MRPL22: variants seen among roughly 807,000 people sequenced by gnomAD.
MRPL22 encodes the protein large ribosomal subunit protein uL22m.
In MRPL22, 27 loss-of-function variants were observed where a neutral mutation model predicts 32.4. That is an observed-to-expected ratio of 0.83 (90% CI 0.61 to 1.15). MRPL22 has a LOEUF of 1.15. Among genes scored for constraint, MRPL22 ranks in the 50% most tolerant of loss-of-function variants. MRPL22 has a pLI of 0.00. For synonymous variants in MRPL22, 86 were observed against 87.3 expected, an observed-to-expected ratio of 0.99 and a Z score of 0.08; for missense variants, 239 against 260.2, an observed-to-expected ratio of 0.92 and a Z score of 0.56.
In MRPL22 at chr5:154,950,925, C is replaced by G; in HGVS notation, c.182C>G (p.Pro61Arg). The stretch of plus-strand genomic sequence containing the variant: ...TATCCTCCACAACTGCCTGGAGAAC[C>G]TCGGAGACCAGCAGTAAGTTCGTGG... Reference protein sequence around the residue: ...IVYPPQLPGEPRRPAEIYHCR... With the variant: ...IVYPPQLPGERRRPAEIYHCR... The change falls in exon 3 of 7, where the codon CCT (proline) becomes CGT (arginine). Residue 61 changes from proline to arginine, a missense_variant. Transcript: ENST00000523037. The G allele has an allele frequency of 1.9e-6, 3 of 1,607,074 alleles. No individual in the cohort carries two copies. The African/African-American group carries it at 4.0e-5, about 21-fold the overall frequency.
intron 5 of MRPL22, 95 bp from the exon 6 acceptor site, chr5:154,959,885 A>G: frequency 1.3e-6 from 1 of 778,494 alleles, no homozygotes; most frequent in Non-Finnish European, 2.1e-6. Context: ...GCATGTGATT[A>G]GCAGTCATAG....
Position 154,944,882 on chromosome 5 carries a change from A to G in MRPL22, c.77+3617A>G, listed in dbSNP as rs1041228348. Among the ~76,000 whole-genome samples the G allele has an allele frequency of 4.6e-5, 7 of 152,224 alleles. No homozygotes were observed. The South Asian group carries it at 1.4e-3, about 32-fold the overall frequency. ...CTGTGCAGATAGAATAGTAAGTGCAACAGCTCCAAGGAACCATATCTGGTG... is the reference window on the plus strand; with the variant it reads ...CTGTGCAGATAGAATAGTAAGTGCAGCAGCTCCAAGGAACCATATCTGGTG... On this transcript the variant is annotated intron_variant, in intron 2 of 6. Coordinates refer to ENST00000523037, the MANE Select transcript of MRPL22 (RefSeq NM_014180.4).
At chr5:154,957,435 A>T (rs1764644954) in intron 5 of MRPL22, among the ~76,000 whole-genome samples, 1 of 152,062 alleles carries the variant, frequency 6.6e-6, no homozygotes, top group Admixed American at 6.6e-5. Context: ...TTTTATTTCC[A>T]CCAAATATTT....
At chr5:154,953,890 G>T (rs1399000734) in intron 3 of MRPL22, among the ~76,000 whole-genome samples, 1 of 150,818 alleles carries the variant, frequency 6.6e-6, no homozygotes, top group East Asian at 2.0e-4. Context: ...TTCTCTGTGT[G>T]GTCCGGGCTG....
rs1764800759 is a variant in MRPL22, at chr5:154,968,469, CAA to C, written c.*1573_*1574del. 6.6e-6 allele frequency: 1 copy of C among 152,334 alleles called. No individual in the cohort carries two copies. Among genetic ancestry groups the C allele is most frequent in the Admixed American group, 6.5e-5 (1 of 15,304 alleles). 9.4% of individuals were successfully genotyped at this position (152,334 alleles called of 1,614,324 possible). ...GCCTCCATTTCATTCATTTATGAAA[CAA>C]GAGACTCAATGTTCTCTGTAGAAAA... On this transcript the variant is annotated 3_prime_UTR_variant, in exon 7 of 7. Coordinates refer to ENST00000523037, the MANE Select transcript of MRPL22 (RefSeq NM_014180.4).
At chr5:154,954,255 G>A (rs554639712) in intron 3 of MRPL22, among the ~76,000 whole-genome samples, 1 of 152,290 alleles carries the variant, frequency 6.6e-6, no homozygotes, top group African/African-American at 2.4e-5. Flanking sequence ...CTCCCAAAGT[G>A]CTGGGATTAC....
At chr5:154,960,537 C>G (rs1357142855) in intron 6 of MRPL22, among the ~76,000 whole-genome samples, 1 of 152,156 alleles carries the variant, frequency 6.6e-6, no homozygotes, top group Non-Finnish European at 1.5e-5. Flanking sequence ...GCCAAGGGGC[C>G]TTGGAAGGCT....
rs757893037 is a variant in MRPL22, at chr5:154,966,693, C to T, written c.417C>T (p.Ser139=). The change falls in exon 7 of 7, where the codon TCC becomes TCT. Residue 139 remains serine (S), a synonymous_variant. Transcript: ENST00000523037. ...EFRSNLYIAE[S]TSGRGQCLKR... ...CTTTTTCTTCCTGTTTAGCTGAGTC[C>T]ACCTCAGGACGAGGCCAGTGCCTGA... 3.1e-6 allele frequency: 5 copies of T among 1,613,776 alleles called. No homozygotes were observed. The highest frequency in any genetic ancestry group is 8.5e-7 in the Non-Finnish European group (1 of 1,180,012).
At chr5:154,950,758 T>C (rs752859522) in intron 2 of MRPL22, 63 bp from the exon 3 acceptor site, 3 of 1,043,862 alleles carry the variant, frequency 2.9e-6, no homozygotes, top group South Asian at 1.3e-5. Context: ...TCAAAAGATA[T>C]GTAAACTCTA....
chr5:154,954,174 G>C lies in MRPL22; in HGVS notation c.196-2197G>C, dbSNP rs747790894. 3.3e-5 allele frequency among the ~76,000 whole-genome samples: 5 copies of C among 151,940 alleles called. No individual in the cohort carries two copies. In the East Asian group the frequency reaches 9.7e-4, roughly 30 times the overall value. On this transcript the variant is annotated intron_variant, in intron 3 of 6. Transcript: ENST00000523037. ...CCAGCTAATTTTTGTATTTTTAGTA[G>C]AGACGAGTTTTTGTCATGTTGCCCA...
chr5:154,950,746 G>T, intron 2 of MRPL22, 75 bp from the exon 3 acceptor site: 1 of 937,672 alleles, frequency 1.1e-6, no homozygotes. Context: ...AGCTGAAGTG[G>T]TTCAAAAGAT....
intron 3 of MRPL22, among the ~76,000 whole-genome samples, chr5:154,953,384 A>AG (rs1764590733): frequency 1.3e-5 from 2 of 148,736 alleles, no homozygotes; most frequent in Non-Finnish European, 3.0e-5. Flanking sequence ...AAAAAAAAAA[A>AG]AAAAGAAAAT....
rs1382413431 is a variant in MRPL22 at position 154,967,139 on chromosome 5, A to G, written c.*242A>G. ...TAAACATAGTAACAGACTATATTTC[A>G]AAAGGCTTTTGGAGTAACTTTGAAA... On this transcript the variant is annotated 3_prime_UTR_variant, in exon 7 of 7. Coordinates refer to ENST00000523037, the MANE Select transcript of MRPL22 (RefSeq NM_014180.4). The surrounding 1 kb of genome is among the most constrained non-coding windows in gnomAD (Gnocchi z 4.7). 2.0e-6 allele frequency: 1 copy of G among 490,858 alleles called. No homozygotes were observed. Among genetic ancestry groups the G allele is most frequent in the Non-Finnish European group, 3.6e-6 (1 of 279,504 alleles). 30.4% of individuals were successfully genotyped at this position (490,858 alleles called of 1,614,324 possible).
intron 2 of MRPL22, among the ~76,000 whole-genome samples, chr5:154,941,521 A>G (rs950895324): frequency 6.6e-6 from 1 of 152,332 alleles, no homozygotes; most frequent in African/African-American, 2.4e-5. Flanking sequence ...ATCTTTCTGG[A>G]CAAGGTTAGA....
rs561546671 is a variant in MRPL22, at chr5:154,948,714, C to T, written c.78-2107C>T. Among the ~76,000 whole-genome samples, 6 of 152,320 alleles carry T rather than the reference C, an allele frequency of 3.9e-5. No homozygotes were observed. The East Asian group carries it at 1.2e-3, about 29-fold the overall frequency. On this transcript the variant is annotated intron_variant, in intron 2 of 6. Transcript: ENST00000523037. Reference sequence around the variant, plus strand: ...ATAATAATTTGCTATTCCTTCATTACTAACTTTATACAAGTCAAATTTTTC... The same window carrying T: ...ATAATAATTTGCTATTCCTTCATTATTAACTTTATACAAGTCAAATTTTTC...
chr5:154,950,952 T>G lies in MRPL22; in HGVS notation c.195+14T>G. On this transcript the variant is annotated intron_variant, in intron 3 of 6. Transcript: ENST00000523037. ...CGGAGACCAGCAGTAAGTTCGTGGGTAGAACTAATCTCTTAATTGTGGTAG... is the reference window on the plus strand; with the variant it reads ...CGGAGACCAGCAGTAAGTTCGTGGGGAGAACTAATCTCTTAATTGTGGTAG... 3.4e-6 allele frequency: 5 copies of G among 1,491,282 alleles called. No individual in the cohort carries two copies. Among genetic ancestry groups the G allele is most frequent in the Non-Finnish European group, 4.7e-6 (5 of 1,070,966 alleles). The allele number at this position is 1,491,282 out of a possible 1,614,324, so 92.4% of individuals were successfully genotyped here.
At chr5:154,958,797 G>A (rs1489795677) in intron 5 of MRPL22, among the ~76,000 whole-genome samples, 8 of 151,506 alleles carry the variant, frequency 5.3e-5, no homozygotes, top group Non-Finnish European at 1.0e-4. Context: ...TGCCCACCTC[G>A]GCCTGCCAAA....
chr5:154,955,228 A>G (rs898924354), intron 3 of MRPL22: 14 of 152,316 alleles, frequency 9.2e-5, no homozygotes, highest in Admixed American at 2.6e-4. Context: ...GGCTATTGCT[A>G]TAGTTTCAGG....
chr5:154,966,534 A>G, intron 6 of MRPL22, 152 bp from the exon 7 acceptor site: 11 of 715,974 alleles, frequency 1.5e-5, no homozygotes, highest in Non-Finnish European at 2.6e-5. Context: ...GTTAGCATTC[A>G]GGAGATAGTT....
Sources: allele counts gnomAD v4.1 joint callset (sites outside exome capture counted in the v4.1 genomes callset), GRCh38; gene constraint gnomAD v4.1.1; non-coding constraint Gnocchi (gnomAD v3.1); transcripts MANE v1.5; gene names NCBI Gene and HGNC (gene_info 2026-07-23, HGNC 2026-07-21).